The following L2HGDH variants were observed in gnomAD, a reference collection of about 807,000 sequenced individuals.
The protein encoded by L2HGDH is L-2-hydroxyglutarate dehydrogenase, mitochondrial.
A neutral mutation model predicts 51.5 loss-of-function variants in L2HGDH; 34 were observed. The observed-to-expected ratio is 0.66, with a 90% CI of 0.50 to 0.88. The LOEUF is 0.88. Ranked by LOEUF, L2HGDH falls within the 40% of genes least tolerant of loss-of-function variation. The probability of loss-of-function intolerance (pLI) is 0.00; values close to 1 mark genes in which losing one functional copy is unlikely to be tolerated. For synonymous variants in L2HGDH, 198 were observed against 197.9 expected (o/e 1.00, Z -0.01); for missense variants, 558 against 571.9 (o/e 0.98, Z 0.25).
In L2HGDH at chr14:50,312,022, G is replaced by A; in HGVS notation, c.129C>T (p.Ser43=). The change falls in exon 1 of 10, where the codon AGC becomes AGT. Residue 43 remains serine (S), a synonymous_variant. Coordinates refer to ENST00000267436, the MANE Select transcript of L2HGDH (RefSeq NM_024884.3). The part of the protein sequence containing the change: ...RPRPLCGGSR[S]ASTSSFDIVI... Reference sequence around the variant, plus strand: ...CAGCGGCCACTCACCTGGTGCTGGCGCTGCGGCTACCTCCACACAGCGGTC... The same window carrying A: ...CAGCGGCCACTCACCTGGTGCTGGCACTGCGGCTACCTCCACACAGCGGTC... 6.4e-7 allele frequency: 1 copy of A among 1,568,682 alleles called. No individual in the cohort carries two copies.
intron 3 of L2HGDH, among the ~76,000 whole-genome samples, chr14:50,298,688 C>CA (rs995729481): frequency 1.3e-5 from 2 of 151,740 alleles, no homozygotes; most frequent in African/African-American, 4.8e-5. Flanking sequence ...GACTCTATCT[C>CA]AAAAAAATAA....
Position 50,302,932 on chromosome 14 carries a change from T to C in L2HGDH, c.226A>G (p.Ile76Val), listed in dbSNP as rs377734247. Reference protein sequence around the residue: ...ALILRHPSLSIGVLEKEKDLA... With the variant: ...ALILRHPSLSVGVLEKEKDLA... ...TCTTTCTCCTTTTCCAGAACACCAATAGAAAGTGATGGATGTCGCAGGATG... is the reference window on the plus strand; with the variant it reads ...TCTTTCTCCTTTTCCAGAACACCAACAGAAAGTGATGGATGTCGCAGGATG... Residue 76 changes from isoleucine (I) to valine (V), a missense_variant, in exon 2 of 10, where the codon ATT becomes GTT. Ile to Val is a conservative substitution (Grantham distance 29). Transcript: ENST00000267436. 38 of 1,613,552 alleles carry C rather than the reference T, an allele frequency of 2.4e-5. No homozygotes were observed. In the African/African-American group the frequency reaches 2.7e-4, roughly 11 times the overall value.
chr14:50,298,113 G>A lies in L2HGDH; in HGVS notation c.409-3867C>T, dbSNP rs961183371. On this transcript the variant is annotated intron_variant, in intron 3 of 9. Coordinates refer to ENST00000267436, the MANE Select transcript of L2HGDH (RefSeq NM_024884.3). ...ACAAAAATTAGCCAGGCATGGTGGCGTGAGCCTGTAGTCCCAGCGACTTGG... is the reference window on the plus strand; with the variant it reads ...ACAAAAATTAGCCAGGCATGGTGGCATGAGCCTGTAGTCCCAGCGACTTGG... Among the ~76,000 whole-genome samples, 11 of 151,968 alleles carry A rather than the reference G, an allele frequency of 7.2e-5. No homozygotes were observed. In the East Asian group the frequency reaches 1.2e-3, roughly 16 times the overall value.
intron 6 of L2HGDH, among the ~76,000 whole-genome samples, chr14:50,275,693 AG>A (rs1314355541): frequency 6.6e-6 from 1 of 152,238 alleles, no homozygotes; most frequent in Non-Finnish European, 1.5e-5. Context: ...AACTCCTTGC[AG>A]GGCTGGGGCA....
chr14:50,265,316 T>C (rs528333358), intron 9 of L2HGDH, 42 bp downstream of exon 9: 8 of 1,563,128 alleles, frequency 5.1e-6, no homozygotes, highest in Admixed American at 5.0e-5. Flanking sequence ...CAAGTTCACA[T>C]AGGTCAGGAC....
In L2HGDH at chr14:50,243,266, A is replaced by C; in HGVS notation, c.*3792T>G. 1 of 985,422 alleles carries C rather than the reference A, an allele frequency of 1.0e-6. No individual in the cohort carries two copies. Among genetic ancestry groups the C allele is most frequent in the Non-Finnish European group, 1.2e-6 (1 of 829,924 alleles). 61.0% of individuals were successfully genotyped at this position (985,422 alleles called of 1,614,324 possible). A position where few individuals can be genotyped will look rare whatever the true frequency, so the allele number is the denominator to read the frequency against. ...GCTGGTACATCAAGAGTTCCTCACA[A>C]ACACTCTGAAGTTAAAATCTAAAAT... On this transcript the variant is annotated 3_prime_UTR_variant, in exon 10 of 10. Transcript: ENST00000267436.
In L2HGDH at chr14:50,302,930, A is replaced by T. The variant is rs1415564087; in HGVS notation, c.228T>A (p.Ile76=). 1 of 1,613,790 alleles carries T rather than the reference A, an allele frequency of 6.2e-7. No homozygotes were observed. Among genetic ancestry groups the T allele is most frequent in the Non-Finnish European group, 8.5e-7 (1 of 1,179,688 alleles). The change falls in exon 2 of 10, where the codon ATT becomes ATA. Residue 76 remains isoleucine, a synonymous_variant. Coordinates refer to ENST00000267436, the MANE Select transcript of L2HGDH (RefSeq NM_024884.3). ...AATCTTTCTCCTTTTCCAGAACACC[A>T]ATAGAAAGTGATGGATGTCGCAGGA... The part of the protein sequence containing the change: ...ALILRHPSLS[I]GVLEKEKDLA...
At chr14:50,277,051 C>T (rs541824952) in intron 6 of L2HGDH, among the ~76,000 whole-genome samples, 2 of 152,300 alleles carry the variant, frequency 1.3e-5, no homozygotes, top group African/African-American at 2.4e-5. Context: ...GTAAAATTGC[C>T]TCTAGTTGAG....
chr14:50,291,197 CAAAAAAAAAAAAAAAAAA>C (rs1159640500), intron 4 of L2HGDH, among the ~76,000 whole-genome samples: 1 of 30,644 alleles, frequency 3.3e-5, no homozygotes, highest in East Asian at 2.5e-3. Flanking sequence ...GACTCCGTCT[CAAAAAAAAAAAAAAAAAA>C]AAAAAAAAAC....
At position 50,267,875 on chromosome 14, in the gene L2HGDH, G is replaced by A. The variant is rs1270815903; in HGVS notation, c.942C>T (p.His314=). The A allele has an allele frequency of 1.2e-6, 2 of 1,614,078 alleles. No individual in the cohort carries two copies. The change falls in exon 8 of 10, where the codon CAC becomes CAT. Residue 314 remains histidine (H), a synonymous_variant. Coordinates refer to ENST00000267436, the MANE Select transcript of L2HGDH (RefSeq NM_024884.3). ...PDSRFPFLGV[H]FTPRMDGSIW... ...TACTGCCATCCATCCTTGGTGTGAA[G>A]TGAACTCCTAGGAAAGGAAACCGGC...
chr14:50,286,907 T>C (rs1012869586), intron 4 of L2HGDH, among the ~76,000 whole-genome samples: 28 of 152,212 alleles, frequency 1.8e-4, no homozygotes. Flanking sequence ...TCTTTTACAC[T>C]ATAACCTCCT....
intron 6 of L2HGDH, among the ~76,000 whole-genome samples, chr14:50,270,335 TCAC>T (rs1402967238): frequency 1.3e-5 from 2 of 152,218 alleles, no homozygotes; most frequent in African/African-American, 4.8e-5. Flanking sequence ...TATCCCGCAT[TCAC>T]CACCACACTT....
intron 3 of L2HGDH, among the ~76,000 whole-genome samples, chr14:50,296,247 A>C (rs1008271198): frequency 2.0e-5 from 3 of 151,520 alleles, no homozygotes; most frequent in African/African-American, 7.3e-5. Flanking sequence ...GGTGGTGTGC[A>C]CCTGTAGTCC....
rs762069372 is a variant in L2HGDH, at chr14:50,247,140, T to C, written c.1310A>G (p.Asn437Ser). 1 of 1,614,150 alleles carries C rather than the reference T, an allele frequency of 6.2e-7. No homozygotes were observed. Among genetic ancestry groups the C allele is most frequent in the Middle Eastern group, 1.6e-4 (1 of 6,062 alleles). The change falls in exon 10 of 10, where the codon AAT becomes AGT. Residue 437 changes from asparagine to serine, a missense_variant. Physicochemically the swap from Asn to Ser is conservative, Grantham distance 46. This residue lies in a region of L2HGDH where 321 missense variants were observed against 311.8 expected (regional missense o/e 1.03). Transcript: ENST00000267436. Reference sequence around the variant, plus strand: ...AGAAGTAGCAGCAGGAGAAGGTGCATTTCTCACATGAAGAATGCGATTTCC... The same window carrying C: ...AGAAGTAGCAGCAGGAGAAGGTGCACTTCTCACATGAAGAATGCGATTTCC... ...DIGNRILHVR[N>S]APSPAATSSI...
chr14:50,300,969 T>C (rs1474744803), intron 3 of L2HGDH, among the ~76,000 whole-genome samples: 1 of 152,100 alleles, frequency 6.6e-6, no homozygotes, highest in Non-Finnish European at 1.5e-5. Context: ...GGACTATAGT[T>C]GTGCACCACC....
At chr14:50,300,512 C>T (rs1352776832) in intron 3 of L2HGDH, among the ~76,000 whole-genome samples, 2 of 152,082 alleles carry the variant, frequency 1.3e-5, no homozygotes, top group Admixed American at 6.5e-5. Context: ...CCAGGCTGGT[C>T]TCGAACTCCT....
chr14:50,251,866 A>G (rs938491830), intron 9 of L2HGDH, among the ~76,000 whole-genome samples: 1 of 152,142 alleles, frequency 6.6e-6, no homozygotes, highest in Non-Finnish European at 1.5e-5. Context: ...GAAATACTAA[A>G]GAGAGTTCTT....
chr14:50,251,192 T>G (rs754749529), intron 9 of L2HGDH, among the ~76,000 whole-genome samples: 36 of 152,088 alleles, frequency 2.4e-4, no homozygotes, highest in Non-Finnish European at 4.9e-4. Context: ...TAAAAAGAAT[T>G]AAACAGAAAT....
At chr14:50,251,080 G>T (rs117548544) in intron 9 of L2HGDH, among the ~76,000 whole-genome samples, 2,423 of 152,266 alleles carry the variant, frequency 0.016, 32 homozygotes, top group South Asian at 0.03. Context: ...TTCTGACAGA[G>T]AATTCAAAAT....
Sources: allele counts gnomAD v4.1 joint callset (sites outside exome capture counted in the v4.1 genomes callset), GRCh38; gene constraint gnomAD v4.1.1; regional missense constraint gnomAD v4.1.1; transcripts MANE v1.5; gene names NCBI Gene and HGNC (gene_info 2026-07-23, HGNC 2026-07-21).